Variants in TBC1D4 observed in about 807,000 individuals in gnomAD.
TBC1D4 encodes the protein TBC (Tre-2, BUB2, CDC16) domain-containing protein.
In TBC1D4, 121 loss-of-function variants were observed where a neutral mutation model predicts 142.5. That is an observed-to-expected ratio of 0.85 (90% confidence interval 0.73 to 0.99). TBC1D4 has a LOEUF of 0.99. Among genes scored for constraint, TBC1D4 ranks in the 50% least tolerant of loss-of-function variants. The probability of loss-of-function intolerance (pLI) is 0.00; values close to 1 mark genes in which losing one functional copy is unlikely to be tolerated. For missense variants in TBC1D4, 1,475 were observed against 1,606.6 expected, an observed-to-expected ratio of 0.92 and a Z score of 1.40; for synonymous variants, 630 against 628.2, an observed-to-expected ratio of 1.00 and a Z score of -0.04.
chr13:75,421,677 A>G lies in TBC1D4; in HGVS notation c.499-59070T>C, dbSNP rs143180546. Among the ~76,000 whole-genome samples the G allele has an allele frequency of 2.2e-3, 331 of 152,308 alleles. 2 individuals carry two copies. Among genetic ancestry groups the G allele is most frequent in the African/African-American group, 7.5e-3 (313 of 41,564 alleles). ...GCATATCATAGACTGGGCAAAGAGA[A>G]CTTCTCTATTATGTTTATAAGAAAA... On this transcript the variant is annotated intron_variant, in intron 1 of 20. Transcript: ENST00000377636.
At chr13:75,421,048 C>T (rs1263795420) in intron 1 of TBC1D4, among the ~76,000 whole-genome samples, 3 of 152,300 alleles carry the variant, frequency 2.0e-5, no homozygotes, top group Middle Eastern at 3.4e-3. Flanking sequence ...ATTTAGATTA[C>T]TTATCAAAGA....
intron 3 of TBC1D4, among the ~76,000 whole-genome samples, chr13:75,359,119 T>TA (rs1177193069): frequency 2.0e-5 from 3 of 152,102 alleles, no homozygotes; most frequent in Admixed American, 6.5e-5. Flanking sequence ...GGAACCTCCT[T>TA]AGAGGTGCAT....
intron 14 of TBC1D4, 140 bp from the exon 15 acceptor site, chr13:75,306,611 A>G (rs1288145544): frequency 1.0e-6 from 1 of 993,392 alleles, no homozygotes; most frequent in Non-Finnish European, 1.5e-6. Flanking sequence ...AATTTAAAAC[A>G]AATTGAGGAT....
At chr13:75,319,438 A>G (rs963813837) in intron 12 of TBC1D4, among the ~76,000 whole-genome samples, 1 of 152,232 alleles carries the variant, frequency 6.6e-6, no homozygotes, top group Non-Finnish European at 1.5e-5. Flanking sequence ...GAGTCAAGAG[A>G]TGTCAACACA....
intron 1 of TBC1D4, among the ~76,000 whole-genome samples, chr13:75,472,809 G>A (rs1888471510): frequency 6.6e-6 from 1 of 152,186 alleles, no homozygotes; most frequent in African/African-American, 2.4e-5. Flanking sequence ...TAAAGAACTT[G>A]CTACTGGAAA....
At chr13:75,442,704 G>A (rs547594869) in intron 1 of TBC1D4, among the ~76,000 whole-genome samples, 95 of 151,846 alleles carry the variant, frequency 6.3e-4, no homozygotes, top group African/African-American at 2.1e-3. Flanking sequence ...ACTTGAACCC[G>A]GGAGGTGGAG....
At chr13:75,413,957 A>G (rs1885800410) in intron 1 of TBC1D4, among the ~76,000 whole-genome samples, 2 of 152,194 alleles carry the variant, frequency 1.3e-5, no homozygotes, top group South Asian at 2.1e-4. Flanking sequence ...GGGTCCCACA[A>G]GAGATTGTGC....
At chr13:75,372,021 A>G (rs1390416736) in intron 1 of TBC1D4, among the ~76,000 whole-genome samples, 1 of 152,218 alleles carries the variant, frequency 6.6e-6, no homozygotes, top group Non-Finnish European at 1.5e-5. Context: ...GAAATTAGAA[A>G]CAAAGTTATC....
rs531528482 is a variant in TBC1D4, at chr13:75,362,631, G to T, written c.499-24C>A. The stretch of plus-strand genomic sequence containing the variant: ...ACCTGGGGGAAAAAATTAAAACCCT[G>T]ATTCTAGTTGAAAGTTTTGAGACAA... On this transcript the variant is annotated intron_variant, in intron 1 of 20. Coordinates refer to ENST00000377636, the MANE Select transcript of TBC1D4 (RefSeq NM_014832.5). The surrounding 1 kb of genome is among the most constrained non-coding windows in gnomAD (Gnocchi z 4.2). The T allele has an allele frequency of 1.7e-5, 27 of 1,611,952 alleles. No homozygotes were observed. Among genetic ancestry groups the T allele is most frequent in the Non-Finnish European group, 2.2e-5 (26 of 1,179,268 alleles).
rs117928134 is a variant in TBC1D4 at position 75,413,580 on chromosome 13, C to T, written c.499-50973G>A. ...CAAGACAATTCTTCTTCCAATGTGG[C>T]CCAGCAAAGCCAAAAGACATTGGAT... On this transcript the variant is annotated intron_variant, in intron 1 of 20. Coordinates refer to ENST00000377636, the MANE Select transcript of TBC1D4 (RefSeq NM_014832.5). 9.2e-3 allele frequency among the ~76,000 whole-genome samples: 1,406 copies of T among 152,186 alleles called. 15 individuals are homozygous for T. The highest frequency in any genetic ancestry group is 0.027 in the Admixed American group (409 of 15,284).
At chr13:75,304,229 A>G (rs1191083812) in intron 15 of TBC1D4, among the ~76,000 whole-genome samples, 1 of 152,270 alleles carries the variant, frequency 6.6e-6, no homozygotes, top group African/African-American at 2.4e-5. Flanking sequence ...TGAATCACTG[A>G]TAACATGAGT....
intron 10 of TBC1D4, among the ~76,000 whole-genome samples, chr13:75,325,266 AT>A (rs5804799): frequency 0.75 from 113,660 of 151,990 alleles, 45,203 homozygotes; most frequent in South Asian, 0.95. Context: ...TGTTAACTTT[AT>A]TTTTTGTATC....
At chr13:75,316,645 T>C (rs928434879) in intron 12 of TBC1D4, 2 of 152,318 alleles carry the variant, frequency 1.3e-5, no homozygotes, top group South Asian at 4.1e-4. Context: ...CTTATAGCAG[T>C]TTCCTGTTTG....
At position 75,327,787 on chromosome 13, in the gene TBC1D4, T is replaced by C; in HGVS notation, c.1771A>G (p.Ser591Gly). 3 of 1,614,034 alleles carry C rather than the reference T, an allele frequency of 1.9e-6. No individual in the cohort carries two copies. The highest frequency in any genetic ancestry group is 2.5e-6 in the Non-Finnish European group (3 of 1,179,916). The change falls in exon 9 of 21, where the codon AGT (serine) becomes GGT (glycine). Residue 591 changes from serine to glycine, a missense_variant. Transcript: ENST00000377636. Reference sequence around the variant, plus strand: ...GCAAGACTGTTGGACCGTTCAAAACTGTCCACACTTCCAAGCCGACCTCTC... The same window carrying C: ...GCAAGACTGTTGGACCGTTCAAAACCGTCCACACTTCCAAGCCGACCTCTC... ...RMRGRLGSVD[S>G]FERSNSLASE...
chr13:75,304,801 GGAA>G (rs777874306), intron 15 of TBC1D4, among the ~76,000 whole-genome samples: 10 of 152,092 alleles, frequency 6.6e-5, no homozygotes, highest in Non-Finnish European at 8.8e-5. Context: ...AGAGAAGTAA[GGAA>G]GAAGGAGAAT....
At chr13:75,450,416 T>C (rs901079487) in intron 1 of TBC1D4, among the ~76,000 whole-genome samples, 5 of 152,240 alleles carry the variant, frequency 3.3e-5, no homozygotes, top group African/African-American at 1.2e-4. Flanking sequence ...AGTCTTTTGA[T>C]AGCAACTTTG....
chr13:75,312,080 T>A (rs1010955861), intron 13 of TBC1D4, among the ~76,000 whole-genome samples: 1 of 152,136 alleles, frequency 6.6e-6, no homozygotes, highest in African/African-American at 2.4e-5. Flanking sequence ...TTCTCATGAT[T>A]GTTCTATCTG....
At chr13:75,381,557 C>T (rs1225635935) in intron 1 of TBC1D4, among the ~76,000 whole-genome samples, 1 of 152,176 alleles carries the variant, frequency 6.6e-6, no homozygotes, top group Admixed American at 6.5e-5. Context: ...TGACTTGAAA[C>T]CTCTAGCACT....
At chr13:75,391,519 A>G (rs1884490055) in intron 1 of TBC1D4, among the ~76,000 whole-genome samples, 1 of 152,148 alleles carries the variant, frequency 6.6e-6, no homozygotes, top group South Asian at 2.1e-4. Context: ...CACTTCCTCA[A>G]CTTTGACATA....
Sources: allele counts gnomAD v4.1 joint callset (sites outside exome capture counted in the v4.1 genomes callset), GRCh38; gene constraint gnomAD v4.1.1; non-coding constraint Gnocchi (gnomAD v3.1); transcripts MANE v1.5; gene names NCBI Gene and HGNC (gene_info 2026-07-23, HGNC 2026-07-21).